ZNF440: variants seen among roughly 807,000 people sequenced by gnomAD.
ZNF440 encodes zinc finger protein 440.
Under a neutral mutation model 49.7 loss-of-function variants are expected in ZNF440, and 47 were observed. That is an observed-to-expected ratio of 0.95 (90% CI 0.75 to 1.21). ZNF440 has a LOEUF of 1.21. ZNF440 is among the 50% of genes most tolerant of loss of function. ZNF440 has a pLI of 0.00. For missense variants in ZNF440, 703 were observed against 715.0 expected, an observed-to-expected ratio of 0.98 and a Z score of 0.19; for synonymous variants, 255 against 237.7, an observed-to-expected ratio of 1.07 and a Z score of -0.67.
In ZNF440 at chr19:11,832,166, C is replaced by T. The variant is rs200251486; in HGVS notation, c.990C>T (p.His330=). ...CCTCTCTTACAAGTTTTCAAACACA[C>T]GTAAGATTGCACTCTGGAGAAAGAC... is the stretch of plus-strand genomic sequence containing the variant. The part of the protein sequence containing the change: ...ALSSLTSFQT[H]VRLHSGERPY... Residue 330 remains histidine, a synonymous_variant, in exon 4 of 4, where the codon CAC becomes CAT. Coordinates refer to ENST00000304060, the MANE Select transcript of ZNF440 (RefSeq NM_152357.3). The T allele has an allele frequency of 1.5e-5, 25 of 1,614,120 alleles. No homozygotes were observed. The highest frequency in any genetic ancestry group is 1.6e-4 in the Middle Eastern group (1 of 6,062).
chr19:11,817,879 T>C (rs569432417), intron 1 of ZNF440, among the ~76,000 whole-genome samples: 1 of 152,252 alleles, frequency 6.6e-6, no homozygotes, highest in East Asian at 1.9e-4. Context: ...AAAACTATCC[T>C]TTACATTTTA....
intron 1 of ZNF440, among the ~76,000 whole-genome samples, chr19:11,826,234 T>C (rs1975864520): frequency 6.6e-6 from 1 of 152,200 alleles, no homozygotes; most frequent in African/African-American, 2.4e-5. Context: ...CATCCCTGAG[T>C]TCCCAGCACA....
intron 1 of ZNF440, among the ~76,000 whole-genome samples, chr19:11,828,053 ATCAGACT>A (rs777763878): frequency 2.0e-5 from 3 of 152,206 alleles, no homozygotes; most frequent in Non-Finnish European, 2.9e-5. Context: ...CGTGTGAAAA[ATCAGACT>A]TTGGCCATGA....
At chr19:11,828,217 A>G (rs1313877577) in intron 1 of ZNF440, among the ~76,000 whole-genome samples, 1 of 152,124 alleles carries the variant, frequency 6.6e-6, no homozygotes, top group East Asian at 1.9e-4. Flanking sequence ...GTTTAAAGAT[A>G]GAGTCTCACT....
intron 1 of ZNF440, among the ~76,000 whole-genome samples, chr19:11,819,758 G>C (rs1975776481): frequency 6.6e-6 from 1 of 152,150 alleles, no homozygotes; most frequent in Non-Finnish European, 1.5e-5. Flanking sequence ...GTAATCACAG[G>C]TTAATTGGTG....
rs773401249 is a variant in ZNF440 at position 11,831,462 on chromosome 19, G to A, written c.286G>A (p.Glu96Lys). The change falls in exon 4 of 4, where the codon GAG becomes AAG. Residue 96 changes from glutamate to lysine, a missense_variant. Coordinates refer to ENST00000304060, the MANE Select transcript of ZNF440 (RefSeq NM_152357.3). ...TCCAGATGACAGACTGAACTTCCAG[G>A]AGAAGAAAGCTTCTCCTGAAGTAAA... ...PVPDDRLNFQEKKASPEVKSC... is the reference protein window; with the variant it reads ...PVPDDRLNFQKKKASPEVKSC... 3.1e-6 allele frequency: 5 copies of A among 1,613,784 alleles called. No homozygotes were observed. The highest frequency in any genetic ancestry group is 2.7e-5 in the African/African-American group (2 of 74,918).
At chr19:11,821,061 C>T (rs1975794087) in intron 1 of ZNF440, among the ~76,000 whole-genome samples, 1 of 152,182 alleles carries the variant, frequency 6.6e-6, no homozygotes, top group African/African-American at 2.4e-5. Flanking sequence ...TGCTTCTCCT[C>T]CATTCATCTG....
chr19:11,828,301 C>G lies in ZNF440; in HGVS notation c.4-1982C>G, dbSNP rs1482678936. Among the ~76,000 whole-genome samples, 15 of 14,768 alleles carry G rather than the reference C, an allele frequency of 1.0e-3. No individual in the cohort carries two copies. In the African/African-American group the frequency reaches 0.015, roughly 15 times the overall value. 9.7% of individuals were successfully genotyped at this position (14,768 alleles called of 152,430 possible). On this transcript the variant is annotated intron_variant, in intron 1 of 3. Coordinates refer to ENST00000304060, the MANE Select transcript of ZNF440 (RefSeq NM_152357.3). ...CTCTGCCTCCCAGATTCAAATGATTCTCCACGTCCCAGTCAAGTGACTGGG... is the reference window on the plus strand; with the variant it reads ...CTCTGCCTCCCAGATTCAAATGATTGTCCACGTCCCAGTCAAGTGACTGGG...
intron 3 of ZNF440, 88 bp from the exon 4 acceptor site, chr19:11,831,280 G>A (rs1457842854): frequency 8.8e-6 from 13 of 1,485,678 alleles, no homozygotes; most frequent in Non-Finnish European, 1.1e-5. Context: ...TTGATGGAGA[G>A]TGTTAAAAAT....
intron 1 of ZNF440, among the ~76,000 whole-genome samples, chr19:11,828,603 A>T (rs1397351410): frequency 4.6e-5 from 7 of 152,140 alleles, no homozygotes; most frequent in South Asian, 2.1e-4. Flanking sequence ...CTCTAAGATG[A>T]ATTCTATTGT....
chr19:11,820,440 G>C (rs915778316), intron 1 of ZNF440, among the ~76,000 whole-genome samples: 1 of 152,000 alleles, frequency 6.6e-6, no homozygotes. Flanking sequence ...GGATGTTCTC[G>C]ATCTCTTGAC....
intron 1 of ZNF440, chr19:11,816,617 TTAG>T (rs1975735539): frequency 6.6e-6 from 1 of 152,244 alleles, no homozygotes; most frequent in African/African-American, 2.4e-5. Context: ...GTCACTTCAC[TTAG>T]CTGGGAAGGT....
At chr19:11,819,560 G>A (rs1039548620) in intron 1 of ZNF440, among the ~76,000 whole-genome samples, 6 of 152,068 alleles carry the variant, frequency 3.9e-5, no homozygotes, top group African/African-American at 1.4e-4. Context: ...CACCACACTT[G>A]GCTAATTTTT....
intron 1 of ZNF440, among the ~76,000 whole-genome samples, 177 bp downstream of exon 1, chr19:11,814,627 C>T (rs1330003692): frequency 1.3e-5 from 2 of 152,180 alleles, no homozygotes; most frequent in Non-Finnish European, 2.9e-5. Context: ...TGTCCCGTCC[C>T]TTCACGGCGA....
At chr19:11,826,156 G>A (rs1245829377) in intron 1 of ZNF440, among the ~76,000 whole-genome samples, 3 of 152,242 alleles carry the variant, frequency 2.0e-5, no homozygotes, top group Middle Eastern at 3.4e-3. Flanking sequence ...TCTATTGTAC[G>A]GATGTTACCA....
At chr19:11,825,165 A>C (rs923741402) in intron 1 of ZNF440, among the ~76,000 whole-genome samples, 3 of 147,298 alleles carry the variant, frequency 2.0e-5, no homozygotes, top group Non-Finnish European at 4.5e-5. Flanking sequence ...AAATAAAAAA[A>C]ATAAAAAATA....
intron 1 of ZNF440, among the ~76,000 whole-genome samples, chr19:11,820,302 C>T (rs570444581): frequency 6.6e-6 from 1 of 152,086 alleles, no homozygotes; most frequent in South Asian, 2.1e-4. Context: ...CTGCAAGCTC[C>T]GCTTCCCGGG....
At chr19:11,820,823 A>G (rs992329696) in intron 1 of ZNF440, among the ~76,000 whole-genome samples, 4 of 152,136 alleles carry the variant, frequency 2.6e-5, no homozygotes, top group Non-Finnish European at 4.4e-5. Flanking sequence ...AATGATTCCT[A>G]TCTTCTGGAT....
intron 1 of ZNF440, among the ~76,000 whole-genome samples, chr19:11,822,581 C>G (rs1409075878): frequency 6.6e-6 from 1 of 152,168 alleles, no homozygotes; most frequent in Non-Finnish European, 1.5e-5. Flanking sequence ...GGCACAGTGG[C>G]TCATGCCTTT....
Sources: gnomAD v4.1 joint callset for allele counts (sites outside exome capture counted in the v4.1 genomes callset) on GRCh38, gnomAD v4.1.1 for gene constraint, MANE v1.5 for transcripts, NCBI Gene and HGNC (gene_info 2026-07-23, HGNC 2026-07-21) for gene names.